CYRIB: variants seen among roughly 807,000 people sequenced by gnomAD.
CYRIB encodes the protein CYFIP-related Rac1 interactor B.
Under a neutral mutation model 44.2 loss-of-function variants are expected in CYRIB, and 8 were observed. The observed-to-expected ratio is 0.18, with a 90% CI of 0.11 to 0.33. The LOEUF is 0.33. Ranked by LOEUF, CYRIB falls within the 10% of genes least tolerant of loss-of-function variation. The pLI is 1.00. For synonymous variants in CYRIB, 131 were observed against 127.2 expected, an observed-to-expected ratio of 1.03 and a Z score of -0.20; for missense variants, 185 against 382.8, an observed-to-expected ratio of 0.48 and a Z score of 4.31.
intron 1 of CYRIB, among the ~76,000 whole-genome samples, chr8:129,922,088 C>G (rs1444893253): frequency 1.3e-5 from 2 of 152,146 alleles, no homozygotes; most frequent in Non-Finnish European, 2.9e-5. Context: ...CTGCACTAAC[C>G]ACACTGTTAT....
chr8:129,913,530 T>C (rs113344042), intron 1 of CYRIB, among the ~76,000 whole-genome samples: 182 of 152,348 alleles, frequency 1.2e-3, no homozygotes, highest in African/African-American at 4.2e-3. Flanking sequence ...TGATCCAATG[T>C]TTTTGTAGAA....
At chr8:129,923,239 T>TATCTAAAAAAAAAGAAAAAG (rs140530379) in intron 1 of CYRIB, among the ~76,000 whole-genome samples, 1 of 150,536 alleles carries the variant, frequency 6.6e-6, no homozygotes, top group African/African-American at 2.4e-5. Context: ...GCAAAACTCT[T>TATCTAAAAAAAAAGAAAAAG]AAAAAGAAAA....
chr8:130,014,673 T>TA (rs764950361), intron 1 of CYRIB, among the ~76,000 whole-genome samples: 44 of 152,120 alleles, frequency 2.9e-4, no homozygotes, highest in Non-Finnish European at 5.4e-4. Flanking sequence ...GGCAGAAACA[T>TA]ATATTGGCCT....
chr8:129,893,717 T>C (rs1255297260), intron 2 of CYRIB, among the ~76,000 whole-genome samples: 4 of 152,130 alleles, frequency 2.6e-5, no homozygotes, highest in Admixed American at 2.6e-4. Flanking sequence ...AATTATTAGA[T>C]AGAGATGGGT....
In CYRIB at chr8:129,892,835, G is replaced by A. The variant is rs1215706229; in HGVS notation, c.-11+10477C>T. 2.0e-5 allele frequency among the ~76,000 whole-genome samples: 3 copies of A among 152,124 alleles called. No individual in the cohort carries two copies. In the South Asian group the frequency reaches 6.2e-4, roughly 31 times the overall value. ...AGAACTATAATGCTATCGGCAAACT[G>A]TACACAATATAATACCATTAAATCA... is the stretch of plus-strand genomic sequence containing the variant. On this transcript the variant is annotated intron_variant, in intron 2 of 11. Coordinates refer to ENST00000519824, the Ensembl canonical transcript of CYRIB.
At chr8:129,999,468 C>T (rs550974891) in intron 1 of CYRIB, among the ~76,000 whole-genome samples, 6 of 152,336 alleles carry the variant, frequency 3.9e-5, no homozygotes, top group Admixed American at 6.5e-5. Flanking sequence ...CACCCAAGGA[C>T]CAGATGCAAT....
intron 4 of CYRIB, among the ~76,000 whole-genome samples, chr8:129,867,933 A>G (rs931063097): frequency 4.6e-5 from 7 of 152,192 alleles, no homozygotes; most frequent in Admixed American, 1.3e-4. Context: ...CCATTTTACA[A>G]TACTTCTTGC....
chr8:129,983,103 G>A (rs2096303779), intron 1 of CYRIB, among the ~76,000 whole-genome samples: 1 of 151,508 alleles, frequency 6.6e-6, no homozygotes, highest in Non-Finnish European at 1.5e-5. Context: ...GAGCCCAGGC[G>A]CTCAAGACCA....
Position 129,868,903 on chromosome 8 carries a change from A to C in CYRIB, c.195+2472T>G, listed in dbSNP as rs565273236. 4.7e-4 allele frequency among the ~76,000 whole-genome samples: 71 copies of C among 151,038 alleles called. No individual in the cohort carries two copies. In the South Asian group the frequency reaches 0.01, roughly 22 times the overall value. On this transcript the variant is annotated intron_variant, in intron 4 of 11. Coordinates refer to ENST00000519824, the Ensembl canonical transcript of CYRIB. Reference sequence around the variant, plus strand: ...GAAGTACTGCAATTAAAAAAAAAAAAAAAAAAAACCCGGGCTGGGCACAGT... The same window carrying C: ...GAAGTACTGCAATTAAAAAAAAAAACAAAAAAAACCCGGGCTGGGCACAGT...
chr8:130,000,849 C>T (rs1387159287), intron 1 of CYRIB, among the ~76,000 whole-genome samples: 2 of 151,734 alleles, frequency 1.3e-5, no homozygotes, highest in Non-Finnish European at 2.9e-5. Context: ...ACCTGGACAA[C>T]AGAGCAAGAC....
intron 3 of CYRIB, among the ~76,000 whole-genome samples, chr8:129,879,034 A>G (rs765827775): frequency 1.8e-4 from 27 of 152,178 alleles, no homozygotes; most frequent in Non-Finnish European, 2.8e-4. Context: ...TGACTATAAT[A>G]TAAGTTTTCC....
At chr8:129,852,386 T>C (rs2043757717) in intron 7 of CYRIB, 108 bp from the exon 10 acceptor site, 1 of 520,858 alleles carries the variant, frequency 1.9e-6, no homozygotes, top group Non-Finnish European at 3.3e-6. Flanking sequence ...TTTTAGACTC[T>C]CATGTATCGA....
In CYRIB at chr8:129,992,170, A is replaced by C. The variant is rs891716211; in HGVS notation, c.-295-21175T>G. ...ACTCTGTATCTACAAATAATAGAAA[A>C]ATTGGATAGGTGTGATGATGCATGT... On this transcript the variant is annotated intron_variant, in intron 1 of 14. Coordinates refer to the CYRIB transcript ENST00000401979. Among the ~76,000 whole-genome samples the C allele has an allele frequency of 2.6e-5, 4 of 151,644 alleles. No homozygotes were observed. The South Asian group carries it at 8.3e-4, about 32-fold the overall frequency.
At chr8:129,891,329 T>C (rs1458707021) in intron 2 of CYRIB, among the ~76,000 whole-genome samples, 1 of 152,268 alleles carries the variant, frequency 6.6e-6, no homozygotes, top group African/African-American at 2.4e-5. Flanking sequence ...TTCTTTCTGC[T>C]TTCCTGGTTG....
intron 2 of CYRIB, among the ~76,000 whole-genome samples, chr8:129,945,054 C>G (rs1385498867): frequency 6.6e-6 from 1 of 152,108 alleles, no homozygotes; most frequent in African/African-American, 2.4e-5. Context: ...GGAAAAAGAG[C>G]CTTTAGGCAA....
chr8:129,985,787 A>G (rs1039177271), intron 1 of CYRIB, among the ~76,000 whole-genome samples: 32 of 152,278 alleles, frequency 2.1e-4, no homozygotes, highest in African/African-American at 6.0e-4. Context: ...CACCTCCACA[A>G]CAAATCAATG....
chr8:129,957,251 G>A (rs181771729), intron 2 of CYRIB, among the ~76,000 whole-genome samples: 2 of 152,134 alleles, frequency 1.3e-5, no homozygotes, highest in African/African-American at 4.8e-5. Context: ...AGTTTGCCTG[G>A]CCCAGAGTAA....
chr8:129,871,781 T>C lies in CYRIB; in HGVS notation c.74-285A>G, dbSNP rs1032941657. ...GTATATTAAACCAATCTGAGAATTATAATTAAAATTTTTAATTGTGATAGT... is the reference window on the plus strand; with the variant it reads ...GTATATTAAACCAATCTGAGAATTACAATTAAAATTTTTAATTGTGATAGT... On this transcript the variant is annotated intron_variant, in intron 3 of 11. Coordinates refer to ENST00000519824, the Ensembl canonical transcript of CYRIB. Among the ~76,000 whole-genome samples the C allele has an allele frequency of 4.0e-4, 61 of 152,186 alleles. 1 individual carries two copies. The highest frequency in any genetic ancestry group is 1.4e-3 in the African/African-American group (58 of 41,458).
chr8:129,950,693 CTTATTA>C (rs1471194235), intron 2 of CYRIB, among the ~76,000 whole-genome samples: 1 of 152,062 alleles, frequency 6.6e-6, no homozygotes, highest in Non-Finnish European at 1.5e-5. Context: ...TTTTCTATTA[CTTATTA>C]TTATTGTTTT....
Sources: gnomAD v4.1 joint callset for allele counts (sites outside exome capture counted in the v4.1 genomes callset) on GRCh38, gnomAD v4.1.1 for gene constraint, MANE v1.5 for transcripts, NCBI Gene and HGNC (gene_info 2026-07-23, HGNC 2026-07-21) for gene names.